GOLGA3: variants seen among roughly 807,000 people sequenced by gnomAD.
GOLGA3 encodes the protein golgin subfamily A member 3.
In GOLGA3, 75 loss-of-function variants were observed where a neutral mutation model predicts 169.4. The observed-to-expected ratio is 0.44, with a 90% CI of 0.37 to 0.54. The LOEUF is 0.54. Ranked by LOEUF, GOLGA3 falls within the 20% of genes least tolerant of loss-of-function variation. GOLGA3 has a pLI of 0.00. For synonymous variants in GOLGA3, 824 were observed against 822.4 expected (o/e 1.00, Z -0.03); for missense variants, 1,899 against 1,930.0 (o/e 0.98, Z 0.30).
In GOLGA3 at chr12:132,775,246, T is replaced by C. The variant is rs762363591; in HGVS notation, c.4038A>G (p.Lys1346=). The C allele has an allele frequency of 6.2e-7, 1 of 1,614,082 alleles. No individual in the cohort carries two copies. Among genetic ancestry groups the C allele is most frequent in the Non-Finnish European group, 8.5e-7 (1 of 1,179,902 alleles). The part of the protein sequence containing the change: ...QEDLSMTQKD[K]FMLQAKVSEL... ...CCGACACTTTTGCCTGGAGCATAAA[T>C]TTATCCTTCTGGGTCATGGACAGGT... The change falls in exon 22 of 24, where the codon AAA becomes AAG. Residue 1346 remains lysine (K), a synonymous_variant. Coordinates refer to ENST00000450791, the MANE Select transcript of GOLGA3 (RefSeq NM_001389683.1).
At chr12:132,825,254 G>T (rs781349144) in intron 1 of GOLGA3, among the ~76,000 whole-genome samples, 3 of 151,868 alleles carry the variant, frequency 2.0e-5, no homozygotes, top group Non-Finnish European at 2.9e-5. Context: ...GTGTGCCTGC[G>T]CGTGCAGACC....
chr12:132,796,290 C>A (rs981230510), intron 10 of GOLGA3, 70 bp from the exon 11 acceptor site: 5 of 1,498,484 alleles, frequency 3.3e-6, no homozygotes, highest in African/African-American at 1.4e-5. Context: ...TTTTCCTGTT[C>A]GGGTTTCAAG....
intron 4 of GOLGA3, among the ~76,000 whole-genome samples, chr12:132,810,458 TATG>T (rs1949645503): frequency 6.6e-6 from 1 of 152,218 alleles, no homozygotes; most frequent in African/African-American, 2.4e-5. Flanking sequence ...AGATCTTAGA[TATG>T]ATTATATATG....
At position 132,785,740 on chromosome 12, in the gene GOLGA3, G is replaced by A. The variant is rs139525540; in HGVS notation, c.3123+599C>T. Among the ~76,000 whole-genome samples the A allele has an allele frequency of 2.5e-3, 388 of 152,340 alleles. 1 individual carries two copies. Among genetic ancestry groups the A allele is most frequent in the African/African-American group, 9.1e-3 (377 of 41,570 alleles). On this transcript the variant is annotated intron_variant, in intron 15 of 23. Transcript: ENST00000450791. ...TACTAAGTTGTCAGTGCAAGGACGTGAATTGGAGAATAATAAATAAAATGC... is the reference window on the plus strand; with the variant it reads ...TACTAAGTTGTCAGTGCAAGGACGTAAATTGGAGAATAATAAATAAAATGC...
At chr12:132,809,645 T>G (rs1485311249) in intron 4 of GOLGA3, among the ~76,000 whole-genome samples, 3 of 152,208 alleles carry the variant, frequency 2.0e-5, no homozygotes, top group African/African-American at 7.2e-5. Flanking sequence ...CACCTCACTA[T>G]GTCCCCTCAG....
intron 6 of GOLGA3, 76 bp downstream of exon 6, chr12:132,807,101 C>A: frequency 1.2e-6 from 1 of 838,374 alleles, no homozygotes; most frequent in Non-Finnish European, 1.9e-6. Context: ...ATCTGTGAAA[C>A]CTCGTACCCA....
rs1358490892 is a variant in GOLGA3 at position 132,777,149 on chromosome 12, T to TC, written c.3723-60dup. The TC allele has an allele frequency of 6.6e-7, 1 of 1,519,970 alleles. No individual in the cohort carries two copies. The highest frequency in any genetic ancestry group is 1.4e-5 in the African/African-American group (1 of 71,948). 94.2% of individuals were successfully genotyped at this position (1,519,970 alleles called of 1,614,324 possible). A position where few individuals can be genotyped will look rare whatever the true frequency, so the allele number is the denominator to read the frequency against. On this transcript the variant is annotated intron_variant, in intron 19 of 23. Coordinates refer to ENST00000450791, the MANE Select transcript of GOLGA3 (RefSeq NM_001389683.1). The surrounding 1 kb of genome is among the most constrained non-coding windows in gnomAD (Gnocchi z 4.7). ...CACGCTCCTCCAGTGTGCTGTGCCC[T>TC]CCCGCTGGGAAATGCTGCCTGTGGA...
chr12:132,807,122 C>G, intron 6 of GOLGA3, 55 bp downstream of exon 6: 1 of 1,042,552 alleles, frequency 9.6e-7, no homozygotes, highest in Non-Finnish European at 1.5e-6. Context: ...ACAGAGGAGC[C>G]ACACATGCTT....
rs2044882232 is a variant in GOLGA3 at position 132,771,180 on chromosome 12, A to G, written c.*1925T>C. 3 of 152,664 alleles carry G rather than the reference A, an allele frequency of 2.0e-5. No individual in the cohort carries two copies. The South Asian group carries it at 6.2e-4, about 32-fold the overall frequency. 9.5% of individuals were successfully genotyped at this position (152,664 alleles called of 1,614,324 possible). A position where few individuals can be genotyped will look rare whatever the true frequency, so the allele number is the denominator to read the frequency against. Reference sequence around the variant, plus strand: ...AGAGAATATTTTTTAAATACCAAACATCTTTGTGGTTAATGCTACCTTAAC... The same window carrying G: ...AGAGAATATTTTTTAAATACCAAACGTCTTTGTGGTTAATGCTACCTTAAC... On this transcript the variant is annotated 3_prime_UTR_variant, in exon 24 of 24. Coordinates refer to ENST00000450791, the MANE Select transcript of GOLGA3 (RefSeq NM_001389683.1).
chr12:132,808,886 C>A (rs112203975), intron 4 of GOLGA3, among the ~76,000 whole-genome samples: 17,698 of 152,238 alleles, frequency 0.12, 1,372 homozygotes, highest in Non-Finnish European at 0.17. Flanking sequence ...TGGGTCTCCC[C>A]CTGTGTGCGG....
chr12:132,821,855 A>C, intron 2 of GOLGA3, 141 bp downstream of exon 2: 1 of 115,924 alleles, frequency 8.6e-6, no homozygotes, highest in Non-Finnish European at 1.4e-5. Flanking sequence ...CTCCGTCTCA[A>C]AAAAAAAAAA....
intron 12 of GOLGA3, among the ~76,000 whole-genome samples, 189 bp from the exon 13 acceptor site, chr12:132,789,479 A>G (rs898074240): frequency 7.2e-5 from 11 of 152,240 alleles, no homozygotes; most frequent in African/African-American, 2.7e-4. Flanking sequence ...CACAGGTGAC[A>G]TCACTGCCTG....
At chr12:132,795,606 C>T (rs113949134) in intron 11 of GOLGA3, among the ~76,000 whole-genome samples, 2 of 152,094 alleles carry the variant, frequency 1.3e-5, no homozygotes, top group African/African-American at 4.8e-5. Context: ...ACTACAAATA[C>T]AAAAATTAGC....
rs1949317342 is a variant in GOLGA3 at position 132,804,963 on chromosome 12, C to A, written c.1350G>T (p.Gln450His). ...AQLAALSTKL[Q>H]AQVECSHSSQ... Reference sequence around the variant, plus strand: ...TGCTGTGGCTGCACTCCACCTGCGCCTGCAGCTTCGTGCTGAGGGCGGCCA... The same window carrying A: ...TGCTGTGGCTGCACTCCACCTGCGCATGCAGCTTCGTGCTGAGGGCGGCCA... Residue 450 changes from glutamine (Q) to histidine (H), a missense_variant, in exon 7 of 24, where the codon CAG (glutamine) becomes CAT (histidine). Transcript: ENST00000450791. The surrounding 1 kb of genome is among the most constrained non-coding windows in gnomAD (Gnocchi z 4.1). 1 of 1,613,038 alleles carries A rather than the reference C, an allele frequency of 6.2e-7. No homozygotes were observed. Among genetic ancestry groups the A allele is most frequent in the South Asian group, 1.1e-5 (1 of 91,086 alleles).
At chr12:132,798,100 G>A (rs531628165) in intron 9 of GOLGA3, among the ~76,000 whole-genome samples, 4 of 151,380 alleles carry the variant, frequency 2.6e-5, no homozygotes, top group African/African-American at 7.3e-5. Flanking sequence ...AGGATGAGGG[G>A]TGGGGGGGGT....
chr12:132,805,047 T>A (rs1160570867), intron 6 of GOLGA3, 25 bp from the exon 7 acceptor site: 1 of 1,594,184 alleles, frequency 6.3e-7, no homozygotes, highest in Non-Finnish European at 8.5e-7. Context: ...ACAACCACAA[T>A]GATTTTAAGA....
chr12:132,798,056 C>T (rs1360374673), intron 9 of GOLGA3, among the ~76,000 whole-genome samples: 4 of 152,048 alleles, frequency 2.6e-5, no homozygotes, highest in South Asian at 2.1e-4. Flanking sequence ...GGAAAAGAGC[C>T]GCAAGTGCTC....
intron 13 of GOLGA3, among the ~76,000 whole-genome samples, chr12:132,787,208 T>C (rs1384446550): frequency 6.6e-6 from 1 of 152,046 alleles, no homozygotes; most frequent in Non-Finnish European, 1.5e-5. Context: ...TGCCTCGGCC[T>C]CCCAAAGTGC....
At chr12:132,826,240 CAAAAAAAAA>C (rs752535211) in intron 1 of GOLGA3, 3 of 728,138 alleles carry the variant, frequency 4.1e-6, no homozygotes, top group African/African-American at 4.8e-5. Context: ...TCTCATTCTC[CAAAAAAAAA>C]AAAAAAAAAG....
Sources: allele counts gnomAD v4.1 joint callset (sites outside exome capture counted in the v4.1 genomes callset), GRCh38; gene constraint gnomAD v4.1.1; non-coding constraint Gnocchi (gnomAD v3.1); transcripts MANE v1.5; gene names NCBI Gene and HGNC (gene_info 2026-07-23, HGNC 2026-07-21).